The following MPP7 variants were observed in gnomAD, a reference collection of about 807,000 sequenced individuals.
MPP7 encodes the protein MAGUK p55 scaffold protein 7, also known as MAGUK p55 subfamily member 7.
A neutral mutation model predicts 76.5 loss-of-function variants in MPP7; 60 were observed. That is an observed-to-expected ratio of 0.78 (90% CI 0.64 to 0.97). The LOEUF is 0.97. Among genes scored for constraint, MPP7 ranks in the 50% least tolerant of loss-of-function variants. The pLI, the probability that MPP7 is intolerant of heterozygous loss-of-function variation, is 0.00. For missense variants in MPP7, 641 were observed against 694.0 expected, an observed-to-expected ratio of 0.92 and a Z score of 0.86; for synonymous variants, 237 against 244.5, an observed-to-expected ratio of 0.97 and a Z score of 0.29.
At chr10:28,061,980 C>T (rs1851804935) in intron 13 of MPP7, among the ~76,000 whole-genome samples, 1 of 151,994 alleles carries the variant, frequency 6.6e-6, no homozygotes, top group Non-Finnish European at 1.5e-5. Flanking sequence ...TAACAGAATT[C>T]ACAGCCGACT....
intron 11 of MPP7, among the ~76,000 whole-genome samples, chr10:28,106,339 A>C (rs1219011515): frequency 1.3e-5 from 2 of 152,174 alleles, no homozygotes; most frequent in Non-Finnish European, 2.9e-5. Context: ...TCAGAAGAGA[A>C]GTGTAGGTGA....
chr10:28,284,579 T>G (rs1840752321), intron 1 of MPP7, among the ~76,000 whole-genome samples: 1 of 152,366 alleles, frequency 6.6e-6, no homozygotes. Context: ...TAGGTTTCAC[T>G]GACTGCTTCC....
intron 3 of MPP7, among the ~76,000 whole-genome samples, chr10:28,170,624 T>C (rs1006445469): frequency 6.6e-6 from 1 of 150,522 alleles, no homozygotes; most frequent in African/African-American, 2.4e-5. Context: ...TAATTATACA[T>C]GTATTATTAT....
intron 1 of MPP7, among the ~76,000 whole-genome samples, chr10:28,250,370 A>C (rs933623203): frequency 1.3e-5 from 2 of 152,268 alleles, no homozygotes; most frequent in Admixed American, 1.3e-4. Flanking sequence ...TTTTCTATAT[A>C]TCTTGAAATT....
upstream of MPP7, among the ~76,000 whole-genome samples, chr10:28,306,775 T>C (rs1186722513): frequency 6.6e-6 from 1 of 152,150 alleles, no homozygotes; most frequent in African/African-American, 2.4e-5. Context: ...ATTAGATAGA[T>C]GTATAATAGA....
intron 4 of MPP7, among the ~76,000 whole-genome samples, chr10:28,148,425 T>C (rs1301927607): frequency 1.3e-5 from 2 of 152,238 alleles, no homozygotes; most frequent in African/African-American, 4.8e-5. Context: ...GATGCATTTT[T>C]ATTTAAAAAC....
intron 14 of MPP7, 49 bp downstream of exon 14, chr10:28,059,601 G>A: frequency 1.7e-6 from 2 of 1,211,164 alleles, no homozygotes; most frequent in South Asian, 1.2e-5. Context: ...GGACAGGCAT[G>A]TGCTTATAAA....
intron 3 of MPP7, among the ~76,000 whole-genome samples, chr10:28,153,215 C>A (rs574035899): frequency 6.6e-6 from 1 of 152,232 alleles, no homozygotes; most frequent in East Asian, 1.9e-4. Flanking sequence ...GATCTCACCA[C>A]TGCACTCCAG....
chr10:28,106,527 C>T (rs1480510391), intron 11 of MPP7, among the ~76,000 whole-genome samples: 1 of 152,146 alleles, frequency 6.6e-6, no homozygotes, highest in African/African-American at 2.4e-5. Flanking sequence ...CATAAGGAAA[C>T]ATAATCAAAA....
chr10:28,312,904 T>G (rs1314917858), intron 2 of MPP7, among the ~76,000 whole-genome samples: 1 of 152,150 alleles, frequency 6.6e-6, no homozygotes. Context: ...TTGTTCCACG[T>G]TGAAGATTAG....
intron 3 of MPP7, 148 bp downstream of exon 3, chr10:28,202,005 C>CTTA: frequency 1.6e-6 from 1 of 638,816 alleles, no homozygotes; most frequent in Middle Eastern, 2.9e-4. Flanking sequence ...TTGGTAGAAT[C>CTTA]TTTAACAACT....
intron 5 of MPP7, among the ~76,000 whole-genome samples, chr10:28,138,973 G>T (rs1241885754): frequency 1.3e-5 from 2 of 152,192 alleles, no homozygotes; most frequent in Non-Finnish European, 2.9e-5. Flanking sequence ...ATGAAGTGTG[G>T]CAGACTGCCA....
At chr10:28,129,094 A>G (rs1051469002) in intron 6 of MPP7, among the ~76,000 whole-genome samples, 3 of 152,126 alleles carry the variant, frequency 2.0e-5, no homozygotes, top group African/African-American at 7.2e-5. Flanking sequence ...ATTCTTGAAG[A>G]CTTCTATTTC....
chr10:28,059,601 G>T, intron 14 of MPP7, 49 bp downstream of exon 14: 1 of 1,211,162 alleles, frequency 8.3e-7, no homozygotes, highest in Non-Finnish European at 1.2e-6. Context: ...GGACAGGCAT[G>T]TGCTTATAAA....
At chr10:28,070,156 G>C (rs1473288247) in intron 12 of MPP7, among the ~76,000 whole-genome samples, 1 of 152,172 alleles carries the variant, frequency 6.6e-6, no homozygotes, top group African/African-American at 2.4e-5. Flanking sequence ...CCAGCACTTT[G>C]GGAGGCCGAG....
chr10:28,203,423 A>T (rs1005119952), intron 2 of MPP7, among the ~76,000 whole-genome samples: 1 of 151,868 alleles, frequency 6.6e-6, no homozygotes, highest in African/African-American at 2.4e-5. Context: ...ATTAAGATAC[A>T]TAACTTGGGA....
intron 11 of MPP7, among the ~76,000 whole-genome samples, chr10:28,100,095 A>G (rs928264716): frequency 2.0e-5 from 3 of 149,382 alleles, no homozygotes; most frequent in Admixed American, 6.7e-5. Flanking sequence ...AAAAAAATTT[A>G]CTATAAGTGA....
chr10:28,227,392 T>C (rs1346983006), intron 2 of MPP7, among the ~76,000 whole-genome samples: 2 of 149,324 alleles, frequency 1.3e-5, no homozygotes, highest in East Asian at 4.4e-4. Flanking sequence ...GGTGGTTTGC[T>C]GCACCTATCA....
chr10:28,054,180 A>G lies in MPP7; in HGVS notation c.1616T>C (p.Phe539Ser). The G allele has an allele frequency of 6.2e-7, 1 of 1,606,454 alleles. No individual in the cohort carries two copies. The highest frequency in any genetic ancestry group is 8.5e-7 in the Non-Finnish European group (1 of 1,174,784). Residue 539 changes from phenylalanine to serine, a missense_variant, in exon 17 of 17, where the codon TTT (phenylalanine) becomes TCT (serine). Transcript: ENST00000683449. ...QIMESQYGHL[F>S]DKIIINDDLT... Reference sequence around the variant, plus strand: ...GTCATCATTTATTATAATTTTGTCAAAAAGATGACCATATTGACTTTCCAT... The same window carrying G: ...GTCATCATTTATTATAATTTTGTCAGAAAGATGACCATATTGACTTTCCAT...
Sources: gnomAD v4.1 joint callset for allele counts (sites outside exome capture counted in the v4.1 genomes callset) on GRCh38, gnomAD v4.1.1 for gene constraint, MANE v1.5 for transcripts, NCBI Gene and HGNC (gene_info 2026-07-23, HGNC 2026-07-21) for gene names.